The following ATP1B2 variants were observed in gnomAD, a reference collection of about 807,000 sequenced individuals.
ATP1B2 encodes ATPase Na+/K+ transporting subunit beta 2, also known as sodium/potassium-transporting ATPase subunit beta-2.
Under a neutral mutation model 37.3 loss-of-function variants are expected in ATP1B2, and 12 were observed. That is an observed-to-expected ratio of 0.32 (90% CI 0.21 to 0.52). ATP1B2 has a LOEUF of 0.52. Among genes scored for constraint, ATP1B2 ranks in the 20% least tolerant of loss-of-function variants. The pLI is 0.96. For missense variants in ATP1B2, 324 were observed against 391.6 expected, an observed-to-expected ratio of 0.83 and a Z score of 1.46; for synonymous variants, 139 against 140.5, an observed-to-expected ratio of 0.99 and a Z score of 0.07.
upstream of ATP1B2, among the ~76,000 whole-genome samples, chr17:7,650,599 T>G (rs1164832409): frequency 1.3e-5 from 2 of 152,164 alleles, no homozygotes; most frequent in Non-Finnish European, 2.9e-5. Flanking sequence ...TCTAACTCCC[T>G]GCCTGGGGCC....
Position 7,655,904 on chromosome 17 carries a change from C to T in ATP1B2, c.*9C>T, listed in dbSNP as rs958028922. On this transcript the variant is annotated 3_prime_UTR_variant, in exon 7 of 7. Coordinates refer to ENST00000250111, the MANE Select transcript of ATP1B2 (RefSeq NM_001678.5). The surrounding 1 kb of genome is among the most constrained non-coding windows in gnomAD (Gnocchi z 4.4). ...GCATCAACAAAACCTGAGGCCCCTTCCTCCCACCCCATCTCTCTCCTGTGG... is the reference window on the plus strand; with the variant it reads ...GCATCAACAAAACCTGAGGCCCCTTTCTCCCACCCCATCTCTCTCCTGTGG... 3.7e-6 allele frequency: 6 copies of T among 1,613,492 alleles called. No homozygotes were observed. In the African/African-American group the frequency reaches 8.0e-5, roughly 22 times the overall value.
In ATP1B2 at chr17:7,651,592, G is replaced by A. The variant is rs759764163; in HGVS notation, c.74G>A (p.Arg25Lys). 1 of 1,607,104 alleles carries A rather than the reference G, an allele frequency of 6.2e-7. No individual in the cohort carries two copies. The highest frequency in any genetic ancestry group is 1.7e-5 in the Admixed American group (1 of 59,300). ...TGGAAGGAGTTCGTGTGGAACCCGA[G>A]GACGCACCAGTTTATGGGCCGCACC... ...EEWKEFVWNPRTHQFMGRTGT... is the reference protein window; with the variant it reads ...EEWKEFVWNPKTHQFMGRTGT... The change falls in exon 1 of 7, where the codon AGG becomes AAG. Residue 25 changes from arginine (R) to lysine (K), a missense_variant. Transcript: ENST00000250111.
chr17:7,651,669 C>T (rs771045468), intron 1 of ATP1B2, 39 bp downstream of exon 1: 3 of 1,530,252 alleles, frequency 2.0e-6, no homozygotes, highest in Non-Finnish European at 2.6e-6. Flanking sequence ...GGGAAAGCCG[C>T]GGGGCGACGC....
At chr17:7,647,885 T>C (rs1613115), upstream of ATP1B2, among the ~76,000 whole-genome samples, 146,318 of 151,440 alleles carry the variant, frequency 0.97, 70,714 homozygotes, top group East Asian at 1. Flanking sequence ...GAAAGCCAGG[T>C]GTGGTGATGT....
In ATP1B2 at chr17:7,655,183, G is replaced by C; in HGVS notation, c.610-344G>C. 1 of 355,628 alleles carries C rather than the reference G, an allele frequency of 2.8e-6. No individual in the cohort carries two copies. Among genetic ancestry groups the C allele is most frequent in the South Asian group, 3.9e-5 (1 of 25,638 alleles). The allele number at this position is 355,628 out of a possible 1,614,324, so 22.0% of individuals were successfully genotyped here. A position where few individuals can be genotyped will look rare whatever the true frequency, so the allele number is the denominator to read the frequency against. ...CTGCTCCCTCCACATCCCCTTCCTT[G>C]CTTCCTATTCAACCCTTAATCATGT... On this transcript the variant is annotated intron_variant, in intron 5 of 6. Coordinates refer to ENST00000250111, the MANE Select transcript of ATP1B2 (RefSeq NM_001678.5). The surrounding 1 kb of genome is among the most constrained non-coding windows in gnomAD (Gnocchi z 4.4).
rs899956199 is a variant in ATP1B2 at position 7,654,837 on chromosome 17, G to A, written c.609+153G>A. On this transcript the variant is annotated intron_variant, in intron 5 of 6. Transcript: ENST00000250111. This position sits in a 1 kb window ranked among gnomAD's most constrained non-coding sequence, Gnocchi z 4.9. ...CAAGGGGGTAAGAGTGGGCTTTTGGGCTCCACTGTAGCTTGAACTCCGAGG... is the reference window on the plus strand; with the variant it reads ...CAAGGGGGTAAGAGTGGGCTTTTGGACTCCACTGTAGCTTGAACTCCGAGG... 1.7e-5 allele frequency: 14 copies of A among 828,868 alleles called. No homozygotes were observed. Among genetic ancestry groups the A allele is most frequent in the African/African-American group, 6.8e-5 (4 of 58,746 alleles). 51.3% of individuals were successfully genotyped at this position (828,868 alleles called of 1,614,324 possible). A position where few individuals can be genotyped will look rare whatever the true frequency, so the allele number is the denominator to read the frequency against.
At position 7,657,754 on chromosome 17, in the gene ATP1B2, T is replaced by C. The variant is rs2072665813; in HGVS notation, c.*1859T>C. The C allele has an allele frequency of 6.6e-6, 1 of 152,450 alleles. No homozygotes were observed. Among genetic ancestry groups the C allele is most frequent in the Non-Finnish European group, 1.5e-5 (1 of 68,026 alleles). 9.4% of individuals were successfully genotyped at this position (152,450 alleles called of 1,614,324 possible). ...AAATGAGAGCAATTATATATATAAATATATATCATACACAGAGCCCTGTGT... is the reference window on the plus strand; with the variant it reads ...AAATGAGAGCAATTATATATATAAACATATATCATACACAGAGCCCTGTGT... On this transcript the variant is annotated 3_prime_UTR_variant, in exon 7 of 7. Transcript: ENST00000250111.
At chr17:7,649,388 T>C (rs751799233), upstream of ATP1B2, among the ~76,000 whole-genome samples, 2 of 151,922 alleles carry the variant, frequency 1.3e-5, no homozygotes, top group African/African-American at 4.8e-5. Context: ...TAATGATTTT[T>C]TTTTTCTCTC....
Position 7,655,555 on chromosome 17 carries a change from A to G in ATP1B2, c.638A>G (p.Asn213Ser), listed in dbSNP as rs781337919. 2.8e-5 allele frequency: 45 copies of G among 1,614,028 alleles called. No homozygotes were observed. The highest frequency in any genetic ancestry group is 1.6e-4 in the African/African-American group (12 of 74,906). ...GATGAAGATGCTGAGAATCTCGGCA[A>G]CTTCGTCATGTTCCCCGCCAACGGC... Reference protein sequence around the residue: ...KRDEDAENLGNFVMFPANGNI... With the variant: ...KRDEDAENLGSFVMFPANGNI... The change falls in exon 6 of 7, where the codon AAC becomes AGC. Residue 213 changes from asparagine (N) to serine (S), a missense_variant. Coordinates refer to ENST00000250111, the MANE Select transcript of ATP1B2 (RefSeq NM_001678.5). This position sits in a 1 kb window ranked among gnomAD's most constrained non-coding sequence, Gnocchi z 4.4.
At chr17:7,652,027 C>T (rs2072617332) in intron 1 of ATP1B2, among the ~76,000 whole-genome samples, 1 of 152,110 alleles carries the variant, frequency 6.6e-6, no homozygotes, top group Non-Finnish European at 1.5e-5. Flanking sequence ...CTCGTGCCCA[C>T]CCCCTGGACC....
In ATP1B2 at chr17:7,655,664, G is replaced by C; in HGVS notation, c.708+39G>C. The C allele has an allele frequency of 6.2e-7, 1 of 1,614,064 alleles. No homozygotes were observed. The highest frequency in any genetic ancestry group is 8.5e-7 in the Non-Finnish European group (1 of 1,179,982). The stretch of plus-strand genomic sequence containing the variant: ...GAGGCCCAGGCTGATGGCGGGTGCG[G>C]GTGGTGAGCTAGGGAAGGAGGCCGC... On this transcript the variant is annotated intron_variant, in intron 6 of 6. Coordinates refer to ENST00000250111, the MANE Select transcript of ATP1B2 (RefSeq NM_001678.5). The surrounding 1 kb of genome is among the most constrained non-coding windows in gnomAD (Gnocchi z 4.4).
At chr17:7,650,688 A>G (rs1201399451), upstream of ATP1B2, among the ~76,000 whole-genome samples, 2 of 151,818 alleles carry the variant, frequency 1.3e-5, no homozygotes, top group African/African-American at 4.8e-5. Context: ...CTCCGCCCGG[A>G]CACGCCCTCT....
chr17:7,654,394 G>A lies in ATP1B2; in HGVS notation c.552+137G>A, dbSNP rs2072635865. 1 of 1,165,280 alleles carries A rather than the reference G, an allele frequency of 8.6e-7. No homozygotes were observed. Among genetic ancestry groups the A allele is most frequent in the African/African-American group, 1.5e-5 (1 of 65,436 alleles). The allele number at this position is 1,165,280 out of a possible 1,614,324, so 72.2% of individuals were successfully genotyped here. A position where few individuals can be genotyped will look rare whatever the true frequency, so the allele number is the denominator to read the frequency against. On this transcript the variant is annotated intron_variant, in intron 4 of 6. Coordinates refer to ENST00000250111, the MANE Select transcript of ATP1B2 (RefSeq NM_001678.5). This position sits in a 1 kb window ranked among gnomAD's most constrained non-coding sequence, Gnocchi z 4.9. ...TTGTGTAGCTGAGAGAAAAAGAGAGGTGGGACTCTTGGAGGCTAAGCTCTG... is the reference window on the plus strand; with the variant it reads ...TTGTGTAGCTGAGAGAAAAAGAGAGATGGGACTCTTGGAGGCTAAGCTCTG...
Position 7,654,566 on chromosome 17 carries a change from C to A in ATP1B2, c.553-62C>A. On this transcript the variant is annotated intron_variant, in intron 4 of 6. Transcript: ENST00000250111. This position sits in a 1 kb window ranked among gnomAD's most constrained non-coding sequence, Gnocchi z 4.9. The stretch of plus-strand genomic sequence containing the variant: ...ACTACAGTCCCCGGCTTAGCTTGGT[C>A]TGGATGCCCATCTTCGACAACTTCT... 1 of 1,563,030 alleles carries A rather than the reference C, an allele frequency of 6.4e-7. No individual in the cohort carries two copies. Among genetic ancestry groups the A allele is most frequent in the South Asian group, 1.1e-5 (1 of 89,922 alleles).
chr17:7,649,945 GC>G (rs1308651253), upstream of ATP1B2, among the ~76,000 whole-genome samples: 1 of 152,110 alleles, frequency 6.6e-6, no homozygotes, highest in Admixed American at 6.6e-5. Context: ...GCCCGCCTCG[GC>G]CTCCCAAAAT....
Position 7,655,522 on chromosome 17 carries a change from C to T in ATP1B2, c.610-5C>T, listed in dbSNP as rs2150978675. ...CTCACCCCCTATCTTCCTGCACCCC[C>T]ACAGCGAGATGAAGATGCTGAGAAT... On this transcript the variant is annotated splice_region_variant and splice_polypyrimidine_tract_variant and intron_variant, in intron 5 of 6. Transcript: ENST00000250111. The surrounding 1 kb of genome is among the most constrained non-coding windows in gnomAD (Gnocchi z 4.4). The T allele has an allele frequency of 1.2e-6, 2 of 1,614,122 alleles. No homozygotes were observed. Among genetic ancestry groups the T allele is most frequent in the Middle Eastern group, 1.7e-4 (1 of 6,060 alleles).
intron 2 of ATP1B2, 71 bp from the exon 3 acceptor site, chr17:7,653,770 C>T: frequency 6.8e-7 from 1 of 1,475,062 alleles, no homozygotes; most frequent in South Asian, 1.2e-5. Context: ...TTCCCTGTGT[C>T]CATTTTCTTC....
chr17:7,649,958 C>T (rs777779756), upstream of ATP1B2, among the ~76,000 whole-genome samples: 54 of 152,152 alleles, frequency 3.5e-4, no homozygotes, highest in Admixed American at 6.6e-4. Flanking sequence ...TCCCAAAATG[C>T]TGGGATTACA....
At position 7,656,831 on chromosome 17, in the gene ATP1B2, C is replaced by CTTTTTTTTTTTTTTTTT. The variant is rs201693108; in HGVS notation, c.*939_*940insTTTTTTTTTTTTTTTTT. The CTTTTTTTTTTTTTTTTT allele has an allele frequency of 8.1e-6, 1 of 123,482 alleles. No individual in the cohort carries two copies. 7.6% of individuals were successfully genotyped at this position (123,482 alleles called of 1,614,324 possible). The stretch of plus-strand genomic sequence containing the variant: ...GCCACCATGCCCGGCTAATTTCTTT[C>CTTTTTTTTTTTTTTTTT]TTTCTTTTTTTTTTTTTTTGCATTT... On this transcript the variant is annotated 3_prime_UTR_variant, in exon 7 of 7. Transcript: ENST00000250111.
Sources: allele counts gnomAD v4.1 joint callset (sites outside exome capture counted in the v4.1 genomes callset), GRCh38; gene constraint gnomAD v4.1.1; non-coding constraint Gnocchi (gnomAD v3.1); transcripts MANE v1.5; gene names NCBI Gene and HGNC (gene_info 2026-07-23, HGNC 2026-07-21).